The following GATB variants were observed in gnomAD, a reference collection of about 807,000 sequenced individuals.
The protein encoded by GATB is glutamyl-tRNA amidotransferase subunit B, also known as glutamyl-tRNA(Gln) amidotransferase subunit B, mitochondrial.
GATB carries 39 observed loss-of-function variants against 62.3 expected under a neutral mutation model. That is an observed-to-expected ratio of 0.63 (90% CI 0.48 to 0.82). The LOEUF (loss-of-function observed/expected upper bound fraction) is 0.82. Among genes scored for constraint, GATB ranks in the 40% least tolerant of loss-of-function variants. The pLI is 0.00. For synonymous variants in GATB, 276 were observed against 258.9 expected, an observed-to-expected ratio of 1.07 and a Z score of -0.63; for missense variants, 670 against 684.0, an observed-to-expected ratio of 0.98 and a Z score of 0.23.
At chr4:151,733,858 A>T (rs1739317238) in intron 2 of GATB, among the ~76,000 whole-genome samples, 1 of 152,262 alleles carries the variant, frequency 6.6e-6, no homozygotes, top group Non-Finnish European at 1.5e-5. Flanking sequence ...TCAAATGATC[A>T]TCTCAATAGA....
intron 9 of GATB, among the ~76,000 whole-genome samples, chr4:151,692,893 C>T (rs1738394433): frequency 6.6e-6 from 1 of 152,222 alleles, no homozygotes; most frequent in African/African-American, 2.4e-5. Context: ...ATGGGAGCTG[C>T]TGACTATACA....
At chr4:151,703,827 T>C in intron 8 of GATB, 24 bp downstream of exon 8, 1 of 1,512,044 alleles carries the variant, frequency 6.6e-7, no homozygotes, top group Non-Finnish European at 9.2e-7. Flanking sequence ...TATATAGCGG[T>C]ATTTTGCCAT....
rs1336988798 is a variant in GATB, at chr4:151,760,912, G to A, written c.71C>T (p.Ser24Phe). The A allele has an allele frequency of 1.9e-6, 3 of 1,613,944 alleles. No homozygotes were observed. The highest frequency in any genetic ancestry group is 1.7e-6 in the Non-Finnish European group (2 of 1,179,916). ...AGTCGGAGCCCCTCTTCGGTGGCAA[G>A]AACCACCGTCAACCCGGGCGAAAGC... is the stretch of plus-strand genomic sequence containing the variant. ...RWAFARVDGG[S>F]CHRRGAPTGS... Residue 24 changes from serine to phenylalanine, a missense_variant, in exon 1 of 13, where the codon TCT becomes TTT. By Grantham distance (155) the Ser-to-Phe change is radical. Transcript: ENST00000263985.
chr4:151,675,643 T>C (rs1737984386), intron 11 of GATB: 4 of 152,266 alleles, frequency 2.6e-5, no homozygotes, highest in Admixed American at 2.6e-4. Context: ...CCCTGAGAAG[T>C]GATATCCAAG....
intron 2 of GATB, chr4:151,720,954 AAG>A (rs1422212902): frequency 6.6e-6 from 1 of 152,330 alleles, no homozygotes; most frequent in Non-Finnish European, 1.5e-5. Context: ...AAACCCAAAC[AAG>A]GGCCAGGCGT....
intron 2 of GATB, among the ~76,000 whole-genome samples, chr4:151,751,022 G>A (rs1194984011): frequency 1.3e-5 from 2 of 152,010 alleles, no homozygotes; most frequent in African/African-American, 2.4e-5. Flanking sequence ...AGTCCATAAA[G>A]TCAGTTAGAA....
At chr4:151,753,254 A>G (rs1457295490) in intron 2 of GATB, among the ~76,000 whole-genome samples, 1 of 152,162 alleles carries the variant, frequency 6.6e-6, no homozygotes, top group Non-Finnish European at 1.5e-5. Flanking sequence ...GGTCAGGTAG[A>G]GAAGCTCAGA....
chr4:151,733,334 T>C (rs1236260794), intron 2 of GATB, among the ~76,000 whole-genome samples: 2 of 152,176 alleles, frequency 1.3e-5, no homozygotes, highest in Non-Finnish European at 1.5e-5. Flanking sequence ...AAGGCTACTA[T>C]GAACACCTTT....
At chr4:151,735,369 T>C (rs933121078) in intron 2 of GATB, among the ~76,000 whole-genome samples, 5 of 151,406 alleles carry the variant, frequency 3.3e-5, no homozygotes, top group Non-Finnish European at 7.4e-5. Flanking sequence ...ATCAGGGAAA[T>C]GCAAGTCAAA....
At chr4:151,687,621 G>A (rs887065462) in intron 10 of GATB, among the ~76,000 whole-genome samples, 11 of 152,182 alleles carry the variant, frequency 7.2e-5, no homozygotes, top group Non-Finnish European at 1.0e-4. Flanking sequence ...ATTGAAGCGC[G>A]ATGGTTTTAG....
intron 2 of GATB, chr4:151,722,781 T>C (rs1391985272): frequency 6.6e-6 from 1 of 152,528 alleles, no homozygotes; most frequent in Non-Finnish European, 1.5e-5. Context: ...TGGAGCCTAA[T>C]ACAGAACCTG....
At chr4:151,705,108 T>C (rs1738688279) in intron 7 of GATB, 77 bp downstream of exon 7, 3 of 947,252 alleles carry the variant, frequency 3.2e-6, no homozygotes. Flanking sequence ...CAAGGTCACA[T>C]GGCTGGTCAG....
chr4:151,700,387 T>C (rs1200350658), intron 9 of GATB, among the ~76,000 whole-genome samples: 3 of 152,202 alleles, frequency 2.0e-5, no homozygotes, highest in Non-Finnish European at 4.4e-5. Context: ...TCCAAGTAGC[T>C]GATTTATGGA....
At chr4:151,755,821 C>T (rs1402273225) in intron 2 of GATB, among the ~76,000 whole-genome samples, 3 of 152,002 alleles carry the variant, frequency 2.0e-5, no homozygotes, top group East Asian at 1.9e-4. Flanking sequence ...TTTATTCTTT[C>T]GTCAGGAGGC....
chr4:151,697,953 G>GTATATATATATA lies in GATB; in HGVS notation c.1197+3364_1197+3375dup, dbSNP rs56231389. 9.3e-3 allele frequency among the ~76,000 whole-genome samples: 376 copies of GTATATATATATA among 40,344 alleles called. 13 individuals are homozygous for GTATATATATATA. The highest frequency in any genetic ancestry group is 0.012 in the Non-Finnish European group (286 of 24,270). The allele number at this position is 40,344 out of a possible 152,430, so 26.5% of individuals were successfully genotyped here. On this transcript the variant is annotated intron_variant, in intron 9 of 12. Transcript: ENST00000263985. ...TTCATATATATGTGTGTGTGTGTGT[G>GTATATATATATA]TATATATATATATATATATATATAT...
chr4:151,728,001 T>C (rs1408152569), intron 2 of GATB, among the ~76,000 whole-genome samples: 2 of 152,212 alleles, frequency 1.3e-5, no homozygotes, highest in African/African-American at 4.8e-5. Context: ...TTATGTATTA[T>C]GTCAACATAA....
intron 5 of GATB, among the ~76,000 whole-genome samples, chr4:151,714,523 A>C (rs560377812): frequency 2.0e-5 from 3 of 152,266 alleles, no homozygotes; most frequent in Admixed American, 6.5e-5. Flanking sequence ...TATTTAAAAG[A>C]AACAAAAAGT....
chr4:151,730,830 C>T lies in GATB; in HGVS notation c.328-11292G>A, dbSNP rs986392269. ...CAGAGCCTACCCAAATGAGAAGGAA[C>T]GAGAAAACCAACGCTGGTAATATGA... On this transcript the variant is annotated intron_variant, in intron 2 of 12. Coordinates refer to ENST00000263985, the MANE Select transcript of GATB (RefSeq NM_004564.3). This position sits in a 1 kb window ranked among gnomAD's most constrained non-coding sequence, Gnocchi z 4.1. Among the ~76,000 whole-genome samples the T allele has an allele frequency of 6.6e-6, 1 of 152,166 alleles. No homozygotes were observed. The highest frequency in any genetic ancestry group is 1.5e-5 in the Non-Finnish European group (1 of 68,032).
intron 9 of GATB, among the ~76,000 whole-genome samples, chr4:151,689,300 G>GA (rs1434055739): frequency 1.3e-5 from 2 of 152,178 alleles, no homozygotes; most frequent in Non-Finnish European, 2.9e-5. Flanking sequence ...ATCATGACAA[G>GA]AAATAGACAG....
Sources: gnomAD v4.1 joint callset for allele counts (sites outside exome capture counted in the v4.1 genomes callset) on GRCh38, gnomAD v4.1.1 for gene constraint, Gnocchi (gnomAD v3.1) non-coding constraint, MANE v1.5 for transcripts, NCBI Gene and HGNC (gene_info 2026-07-23, HGNC 2026-07-21) for gene names.